PRDM1: variants seen among roughly 807,000 people sequenced by gnomAD.
The protein encoded by PRDM1 is PR domain zinc finger protein 1.
A neutral mutation model predicts 62.8 loss-of-function variants in PRDM1; 13 were observed. The observed-to-expected ratio is 0.21, with a 90% CI of 0.13 to 0.33. The LOEUF (loss-of-function observed/expected upper bound fraction) is 0.33. PRDM1 is among the 10% of genes least tolerant of loss of function. The pLI is 1.00. For synonymous variants in PRDM1, 396 were observed against 417.6 expected (o/e 0.95, Z 0.63); for missense variants, 895 against 1,058.8 (o/e 0.85, Z 2.15).
chr6:106,022,049 C>T (rs1475357308), intron 1 of PRDM1, among the ~76,000 whole-genome samples: 2 of 152,176 alleles, frequency 1.3e-5, no homozygotes, highest in African/African-American at 4.8e-5. Flanking sequence ...TATCTATCCT[C>T]CTACCCAAAA....
At chr6:106,101,949 C>T (rs948310665) in intron 4 of PRDM1, among the ~76,000 whole-genome samples, 1 of 152,164 alleles carries the variant, frequency 6.6e-6, no homozygotes, top group African/African-American at 2.4e-5. Flanking sequence ...AACCCCTACC[C>T]CTCCCAAATT....
chr6:106,004,401 T>C (rs1417921219), intron 1 of PRDM1, among the ~76,000 whole-genome samples: 5 of 152,246 alleles, frequency 3.3e-5, no homozygotes, highest in Non-Finnish European at 5.9e-5. Context: ...TATTTGGCAA[T>C]AATGAATGTA....
At position 106,026,317 on chromosome 6, in the gene PRDM1, A is replaced by G. The variant is rs1772766729; in HGVS notation, c.-67+32678A>G. On this transcript the variant is annotated intron_variant, in intron 1 of 6. Transcript: ENST00000652320. The stretch of plus-strand genomic sequence containing the variant: ...AACATGGAGAAACCCCGTCTCTACT[A>G]AAAAATACAAAATTAGCCTGGTATG... Among the ~76,000 whole-genome samples the G allele has an allele frequency of 2.0e-5, 3 of 152,040 alleles. No individual in the cohort carries two copies. In the South Asian group the frequency reaches 6.2e-4, roughly 32 times the overall value.
At position 106,099,546 on chromosome 6, in the gene PRDM1, A is replaced by G. The variant is rs1774208135; in HGVS notation, c.658A>G (p.Asn220Asp). 1 of 1,614,002 alleles carries G rather than the reference A, an allele frequency of 6.2e-7. No homozygotes were observed. The highest frequency in any genetic ancestry group is 1.1e-5 in the South Asian group (1 of 91,088). ...YPYPGELTMMNLTQTQSSLKQ... is the reference protein window; with the variant it reads ...YPYPGELTMMDLTQTQSSLKQ... ...TTATCCCGGAGAGCTGACAATGATG[A>G]ATCTCAGTAAGTGGATTACAGAACA... Residue 220 changes from asparagine (N) to aspartate (D), a missense_variant, in exon 4 of 7, where the codon AAT becomes GAT. Coordinates refer to ENST00000369096, the MANE Select transcript of PRDM1 (RefSeq NM_001198.4).
intron 1 of PRDM1, among the ~76,000 whole-genome samples, chr6:106,054,517 G>T (rs923090531): frequency 6.6e-6 from 1 of 152,074 alleles, no homozygotes; most frequent in Non-Finnish European, 1.5e-5. Flanking sequence ...AAGACCATTA[G>T]ATGAATTAAA....
intron 1 of PRDM1, among the ~76,000 whole-genome samples, chr6:106,009,367 T>G (rs1772518463): frequency 6.6e-6 from 1 of 152,230 alleles, no homozygotes; most frequent in Admixed American, 6.5e-5. Flanking sequence ...TCCGGAAAGC[T>G]GGATCACCCT....
At chr6:106,054,976 C>T (rs1773239908) in intron 1 of PRDM1, among the ~76,000 whole-genome samples, 1 of 152,152 alleles carries the variant, frequency 6.6e-6, no homozygotes, top group East Asian at 1.9e-4. Flanking sequence ...CTGAAGACAT[C>T]TCTAGCATGA....
At chr6:106,064,765 C>T (rs1773405797) in intron 1 of PRDM1, among the ~76,000 whole-genome samples, 1 of 152,128 alleles carries the variant, frequency 6.6e-6, no homozygotes, top group African/African-American at 2.4e-5. Context: ...GATCAGGAGA[C>T]TTTCTGGGGA....
In PRDM1 at chr6:106,106,509, AT is replaced by A. The variant is rs1235432024; in HGVS notation, c.1902+14del. ...GCCACATGAATGCCAGGTGCGCAGT[AT>A]TTTCTGGGTAGACCTTCTGACCTTT... On this transcript the variant is annotated intron_variant, in intron 6 of 6. Coordinates refer to ENST00000369096, the MANE Select transcript of PRDM1 (RefSeq NM_001198.4). This position sits in a 1 kb window ranked among gnomAD's most constrained non-coding sequence, Gnocchi z 4.4. 1.2e-6 allele frequency: 2 copies of A among 1,614,002 alleles called. No individual in the cohort carries two copies. The highest frequency in any genetic ancestry group is 1.7e-6 in the Non-Finnish European group (2 of 1,179,986).
chr6:106,004,966 G>C (rs1268795108), intron 1 of PRDM1, among the ~76,000 whole-genome samples: 2 of 152,164 alleles, frequency 1.3e-5, no homozygotes, highest in Non-Finnish European at 2.9e-5. Context: ...CTCTTTGCTA[G>C]ATTTCCTCTT....
intron 2 of PRDM1, among the ~76,000 whole-genome samples, chr6:106,091,502 G>C (rs971439840): frequency 3.9e-5 from 6 of 152,172 alleles, no homozygotes; most frequent in African/African-American, 1.4e-4. Flanking sequence ...GGTGATTGCC[G>C]GGCGCGGTGG....
intron 1 of PRDM1, among the ~76,000 whole-genome samples, chr6:106,040,815 T>C (rs1772985010): frequency 6.6e-6 from 1 of 152,194 alleles, no homozygotes. Context: ...AAATATATAG[T>C]GTTTTCTGTC....
intron 1 of PRDM1, among the ~76,000 whole-genome samples, chr6:106,006,074 C>T (rs548213139): frequency 3.9e-5 from 6 of 152,212 alleles, no homozygotes; most frequent in Non-Finnish European, 7.3e-5. Context: ...TACTTTCTCA[C>T]AGCCTCCACT....
intron 1 of PRDM1, among the ~76,000 whole-genome samples, chr6:106,025,531 C>A (rs185610213): frequency 1.3e-5 from 2 of 152,214 alleles, no homozygotes; most frequent in Admixed American, 1.3e-4. Context: ...CTAGTTGAAA[C>A]CCAGATTTGG....
At chr6:106,093,399 C>G (rs1774013281) in intron 2 of PRDM1, among the ~76,000 whole-genome samples, 1 of 152,200 alleles carries the variant, frequency 6.6e-6, no homozygotes, top group South Asian at 2.1e-4. Context: ...TAATTTAAAA[C>G]AAAGTTGATG....
intron 1 of PRDM1, among the ~76,000 whole-genome samples, chr6:106,056,287 AC>A (rs1329488737): frequency 6.6e-6 from 1 of 152,138 alleles, no homozygotes; most frequent in African/African-American, 2.4e-5. Context: ...GTCTGCACTC[AC>A]CCACAGATCC....
intron 1 of PRDM1, among the ~76,000 whole-genome samples, chr6:106,018,157 A>G (rs1263080715): frequency 6.6e-6 from 1 of 152,180 alleles, no homozygotes; most frequent in Non-Finnish European, 1.5e-5. Flanking sequence ...CTATTTCCTC[A>G]ACAGAATACT....
chr6:106,009,954 G>A (rs1772526593), intron 1 of PRDM1, among the ~76,000 whole-genome samples: 1 of 152,168 alleles, frequency 6.6e-6, no homozygotes. Context: ...TTAACCTCAA[G>A]TGATCCACCT....
rs1246158360 is a variant in PRDM1, at chr6:106,105,606, G to A, written c.1446G>A (p.Glu482=). ...SDGARRLLQP[E]HPREVLVPAP... ...GAGCCCGGAGGTTGCTCCAGCCGGA[G>A]CATCCCAGGGAGGTGCTTGTCCCGG... Residue 482 remains glutamate, a synonymous_variant, in exon 5 of 7, where the codon GAG becomes GAA. Transcript: ENST00000369096. 3 of 1,613,220 alleles carry A rather than the reference G, an allele frequency of 1.9e-6. No homozygotes were observed. The highest frequency in any genetic ancestry group is 2.5e-6 in the Non-Finnish European group (3 of 1,179,352).
Sources: gnomAD v4.1 joint callset for allele counts (sites outside exome capture counted in the v4.1 genomes callset) on GRCh38, gnomAD v4.1.1 for gene constraint, Gnocchi (gnomAD v3.1) non-coding constraint, MANE v1.5 for transcripts, NCBI Gene and HGNC (gene_info 2026-07-23, HGNC 2026-07-21) for gene names.